The following ESRP1 variants were observed in gnomAD, a reference collection of about 807,000 sequenced individuals.
ESRP1 encodes RNA-binding motif protein 35A.
Under a neutral mutation model 81.7 loss-of-function variants are expected in ESRP1, and 33 were observed. The ratio of observed to expected loss-of-function variants is 0.40; its 90% confidence interval spans 0.31 to 0.54. The LOEUF (loss-of-function observed/expected upper bound fraction) is 0.54. Ranked by LOEUF, ESRP1 falls within the 20% of genes least tolerant of loss-of-function variation. ESRP1 has a pLI of 0.41. For synonymous variants in ESRP1, 320 were observed against 303.3 expected, an observed-to-expected ratio of 1.06 and a Z score of -0.57; for missense variants, 672 against 833.1, an observed-to-expected ratio of 0.81 and a Z score of 2.38.
chr8:94,693,861 A>G (rs1210668250), intron 14 of ESRP1, among the ~76,000 whole-genome samples: 2 of 152,076 alleles, frequency 1.3e-5, no homozygotes, highest in African/African-American at 4.8e-5. Flanking sequence ...AAACCTACCA[A>G]GTGGCTGTCA....
intron 4 of ESRP1, among the ~76,000 whole-genome samples, chr8:94,656,835 C>A (rs969819601): frequency 1.3e-5 from 2 of 151,976 alleles, no homozygotes; most frequent in Admixed American, 6.6e-5. Flanking sequence ...TAATGTATTA[C>A]CTTATTAAAA....
At chr8:94,683,448 A>G (rs12676908) in intron 13 of ESRP1, among the ~76,000 whole-genome samples, 51,818 of 151,904 alleles carry the variant, frequency 0.34, 9,477 homozygotes, top group East Asian at 0.56. Flanking sequence ...TGAGATTCAC[A>G]TGCAGTTGTA....
chr8:94,641,402 G>A lies in ESRP1; in HGVS notation c.84G>A (p.Lys28=). 5 of 1,613,978 alleles carry A rather than the reference G, an allele frequency of 3.1e-6. No individual in the cohort carries two copies. The highest frequency in any genetic ancestry group is 4.2e-6 in the Non-Finnish European group (5 of 1,179,896). ...ATGAKLGSDE[K]ELILLFWKVV... is the part of the protein sequence containing the mutation. The stretch of plus-strand genomic sequence containing the variant: ...GGGCCAAGCTAGGCTCGGATGAGAA[G>A]GAGTTGATCCTGCTGTTCTGGAAAG... The change falls in exon 1 of 16, where the codon AAG becomes AAA. Residue 28 remains lysine (K), a synonymous_variant. Transcript: ENST00000433389.
At chr8:94,694,547 T>A (rs1322947435) in intron 14 of ESRP1, among the ~76,000 whole-genome samples, 1 of 152,166 alleles carries the variant, frequency 6.6e-6, no homozygotes, top group South Asian at 2.1e-4. Context: ...GAGGTTACAG[T>A]GAGCCAAGAT....
chr8:94,658,202 C>G (rs867550799), intron 4 of ESRP1, among the ~76,000 whole-genome samples: 2 of 150,774 alleles, frequency 1.3e-5, no homozygotes, highest in African/African-American at 5.0e-5. Context: ...CGTGAGCCAC[C>G]ATGCCTAGCC....
chr8:94,676,988 A>G (rs1190774618), intron 12 of ESRP1, among the ~76,000 whole-genome samples: 1 of 152,018 alleles, frequency 6.6e-6, no homozygotes, highest in Non-Finnish European at 1.5e-5. Flanking sequence ...CCCTGTTTCT[A>G]CTAAAAAAAA....
chr8:94,679,827 A>G (rs959649150), intron 13 of ESRP1, among the ~76,000 whole-genome samples: 3 of 152,356 alleles, frequency 2.0e-5, no homozygotes. Flanking sequence ...ATAATGTGAC[A>G]TCTTAATGTG....
At position 94,704,776 on chromosome 8, in the gene ESRP1, A is replaced by G. The variant is rs1296248477; in HGVS notation, c.*36-1149A>G. 3.4e-4 allele frequency among the ~76,000 whole-genome samples: 45 copies of G among 130,948 alleles called. 1 individual carries two copies. Among genetic ancestry groups the G allele is most frequent in the African/African-American group, 5.8e-4 (14 of 24,184 alleles). 85.9% of individuals were successfully genotyped at this position (130,948 alleles called of 152,430 possible). On this transcript the variant is annotated intron_variant, in intron 15 of 15. Transcript: ENST00000433389. ...GCACCATCTCTTTTTGAAAAAAAAA[A>G]AAAAAAAAAAAAAAAAACTGCAGTG... is the stretch of plus-strand genomic sequence containing the variant.
At chr8:94,694,697 A>G (rs962185773) in intron 14 of ESRP1, among the ~76,000 whole-genome samples, 14 of 152,256 alleles carry the variant, frequency 9.2e-5, no homozygotes, top group African/African-American at 3.1e-4. Context: ...AAAGATTCAC[A>G]TTCTTCAAAA....
intron 6 of ESRP1, among the ~76,000 whole-genome samples, chr8:94,664,095 G>A (rs951089242): frequency 2.6e-5 from 4 of 151,100 alleles, no homozygotes; most frequent in Admixed American, 2.6e-4. Flanking sequence ...CAGGACATGA[G>A]GGTGCCAAGC....
rs1810101887 is a variant in ESRP1 at position 94,707,291 on chromosome 8, T to C, written c.*1402T>C. The C allele has an allele frequency of 6.6e-6, 1 of 151,916 alleles. No homozygotes were observed. Among genetic ancestry groups the C allele is most frequent in the South Asian group, 2.1e-4 (1 of 4,826 alleles). The allele number at this position is 151,916 out of a possible 1,614,324, so 9.4% of individuals were successfully genotyped here. On this transcript the variant is annotated 3_prime_UTR_variant, in exon 16 of 16. Coordinates refer to ENST00000433389, the MANE Select transcript of ESRP1 (RefSeq NM_017697.4). ...AAAAAAAAAAGGTTTGTGTGAAAAT[T>C]GGTGATAACTGGCACTTAAGATCGA...
chr8:94,646,532 A>C (rs1817861851), intron 4 of ESRP1: 1 of 314,062 alleles, frequency 3.2e-6, no homozygotes, highest in Non-Finnish European at 5.9e-6. Context: ...AATAGGATTC[A>C]GTTTCAGCTG....
chr8:94,673,306 T>A (rs146285387), intron 11 of ESRP1, among the ~76,000 whole-genome samples: 1 of 152,232 alleles, frequency 6.6e-6, no homozygotes, highest in Non-Finnish European at 1.5e-5. Flanking sequence ...CTTTGCCTCA[T>A]GTGACCTATT....
At chr8:94,643,472 T>G (rs1276424690) in intron 3 of ESRP1, 56 bp downstream of exon 3, 5 of 1,170,440 alleles carry the variant, frequency 4.3e-6, no homozygotes, top group Non-Finnish European at 5.0e-6. Flanking sequence ...TGACTGGAGG[T>G]TTTTAAAAAT....
chr8:94,685,737 T>C (rs1809111094), intron 13 of ESRP1, among the ~76,000 whole-genome samples: 1 of 151,592 alleles, frequency 6.6e-6, no homozygotes, highest in Admixed American at 6.6e-5. Flanking sequence ...AAGATGGAGG[T>C]TACAGATTGT....
intron 2 of ESRP1, among the ~76,000 whole-genome samples, chr8:94,642,861 C>A (rs1339681783): frequency 1.3e-5 from 2 of 152,136 alleles, no homozygotes; most frequent in Non-Finnish European, 2.9e-5. Context: ...GCTATCCTTC[C>A]TGGGGTGTAT....
chr8:94,649,789 A>T (rs1818024343), intron 4 of ESRP1: 1 of 152,336 alleles, frequency 6.6e-6, no homozygotes. Flanking sequence ...CTGGGATTAC[A>T]GGCGTGAGCC....
intron 10 of ESRP1, 194 bp downstream of exon 10, chr8:94,668,444 C>T (rs1401299084): frequency 1.7e-5 from 8 of 463,422 alleles, no homozygotes; most frequent in East Asian, 3.4e-5. Flanking sequence ...ACACATACTA[C>T]GTATTTTTAC....
At chr8:94,655,523 T>G (rs1818363491) in intron 4 of ESRP1, among the ~76,000 whole-genome samples, 1 of 152,152 alleles carries the variant, frequency 6.6e-6, no homozygotes, top group Admixed American at 6.6e-5. Flanking sequence ...TTGTATTTTC[T>G]TATGGTGACA....
Sources: allele counts gnomAD v4.1 joint callset (sites outside exome capture counted in the v4.1 genomes callset), GRCh38; gene constraint gnomAD v4.1.1; transcripts MANE v1.5; gene names NCBI Gene and HGNC (gene_info 2026-07-23, HGNC 2026-07-21).